Variants in CHD2 observed in about 807,000 individuals in gnomAD.
CHD2 encodes chromodomain helicase DNA binding protein 2.
Under a neutral mutation model 243.9 loss-of-function variants are expected in CHD2, and 28 were observed. The observed-to-expected ratio is 0.11, with a 90% CI of 0.09 to 0.16. The LOEUF is 0.16. CHD2 is among the 10% of genes least tolerant of loss of function. The pLI is 1.00. For missense variants in CHD2, 1,386 were observed against 2,209.8 expected (o/e 0.63, Z 7.47); for synonymous variants, 775 against 779.0 (o/e 0.99, Z 0.09).
At chr15:92,901,360 C>T (rs1299959146) in intron 2 of CHD2, 61 bp downstream of exon 2, 9 of 969,614 alleles carry the variant, frequency 9.3e-6, no homozygotes, top group Admixed American at 4.1e-5. Flanking sequence ...CCTCAGCTTA[C>T]AATTGTTTAC....
In CHD2 at chr15:92,900,704, G is replaced by T. The variant is rs921545217; in HGVS notation, c.-192G>T. 1.3e-5 allele frequency: 5 copies of T among 397,162 alleles called. No homozygotes were observed. Among genetic ancestry groups the T allele is most frequent in the Non-Finnish European group, 2.2e-5 (5 of 225,882 alleles). 24.6% of individuals were successfully genotyped at this position (397,162 alleles called of 1,614,324 possible). On this transcript the variant is annotated 5_prime_UTR_variant, in exon 1 of 39. Transcript: ENST00000394196. ...TTTTGACCAGTTAACATATTTGAGG[G>T]TTATTTTATTTATTTTTCGTTTTTT...
intron 2 of CHD2, among the ~76,000 whole-genome samples, chr15:92,922,349 C>T (rs1179593335): frequency 6.6e-6 from 1 of 152,072 alleles, no homozygotes; most frequent in Non-Finnish European, 1.5e-5. Flanking sequence ...AAGTACTTAG[C>T]CTAGTGTCTG....
At chr15:92,900,956 T>A in intron 1 of CHD2, 132 bp downstream of exon 1, 1 of 461,998 alleles carries the variant, frequency 2.2e-6, no homozygotes, top group Non-Finnish European at 3.8e-6. Context: ...AGTGTGCTAC[T>A]TTGAGAAAGT....
At chr15:93,015,035 C>T in intron 37 of CHD2, 126 bp downstream of exon 37, 2 of 758,100 alleles carry the variant, frequency 2.6e-6, no homozygotes. Context: ...TTATTGTCCT[C>T]TCTTTTCTTA....
chr15:92,930,921 C>G (rs1487318369), intron 5 of CHD2, among the ~76,000 whole-genome samples: 1 of 152,120 alleles, frequency 6.6e-6, no homozygotes, highest in Non-Finnish European at 1.5e-5. Flanking sequence ...TGTTTGGGCA[C>G]TGGGCTAGCC....
Position 92,979,149 on chromosome 15 carries a change from C to T in CHD2, c.2742C>T (p.Arg914=). ...IGQKKQVNIY[R]LVTKGTVEEE... is the part of the protein sequence containing the mutation. ...TTTTCCTACAGGTAAATATTTACCG[C>T]TTAGTTACAAAGGGGACTGTGGAGG... Residue 914 remains arginine, a synonymous_variant, in exon 22 of 39, where the codon CGC becomes CGT. Transcript: ENST00000394196. The T allele has an allele frequency of 6.2e-7, 1 of 1,613,884 alleles. No homozygotes were observed. The highest frequency in any genetic ancestry group is 8.5e-7 in the Non-Finnish European group (1 of 1,179,936).
chr15:92,989,062 G>A (rs1396376223), intron 26 of CHD2, among the ~76,000 whole-genome samples: 1 of 86,804 alleles, frequency 1.2e-5, no homozygotes, highest in Non-Finnish European at 2.1e-5. Context: ...ATGGAGTTTT[G>A]CTCCTATCAC....
At chr15:92,993,780 T>TACAAACAGTAGAG (rs1467694665) in intron 28 of CHD2, among the ~76,000 whole-genome samples, 22 of 152,106 alleles carry the variant, frequency 1.4e-4, no homozygotes, top group African/African-American at 4.8e-4. Flanking sequence ...ACCTTGTCTC[T>TACAAACAGTAGAG]ACAAACAGTT....
intron 24 of CHD2, among the ~76,000 whole-genome samples, chr15:92,982,633 G>T (rs2053994131): frequency 6.6e-6 from 1 of 152,192 alleles, no homozygotes; most frequent in Admixed American, 6.5e-5. Flanking sequence ...GAGACCTGAT[G>T]ATTACAATGA....
chr15:92,919,475 C>T (rs1055980621), intron 2 of CHD2, among the ~76,000 whole-genome samples: 17 of 152,042 alleles, frequency 1.1e-4, no homozygotes, highest in African/African-American at 4.1e-4. Context: ...TCACTGCAAC[C>T]TCTGCCTCCT....
chr15:92,949,980 T>G (rs1279840024), intron 13 of CHD2, among the ~76,000 whole-genome samples: 1 of 152,228 alleles, frequency 6.6e-6, no homozygotes, highest in East Asian at 1.9e-4. Context: ...GCTAAAAGCT[T>G]AAAACTTTCC....
chr15:92,922,022 T>A (rs1359139500), intron 2 of CHD2, among the ~76,000 whole-genome samples: 1 of 152,062 alleles, frequency 6.6e-6, no homozygotes, highest in African/African-American at 2.4e-5. Flanking sequence ...GGTTAAGGAG[T>A]CAGTAATTGT....
At chr15:93,002,454 G>A (rs917864890) in intron 33 of CHD2, 137 bp downstream of exon 33, 55 of 1,364,468 alleles carry the variant, frequency 4.0e-5, no homozygotes, top group East Asian at 7.9e-5. Context: ...GGGTGGGGCC[G>A]TTGATGGGAT....
chr15:92,939,069 A>C (rs1276404368), intron 6 of CHD2, among the ~76,000 whole-genome samples: 1 of 151,466 alleles, frequency 6.6e-6, no homozygotes, highest in Non-Finnish European at 1.5e-5. Flanking sequence ...CTATGAGTAC[A>C]TGGTACTGTT....
chr15:92,971,554 C>T (rs1330383542), intron 17 of CHD2, among the ~76,000 whole-genome samples: 3 of 152,148 alleles, frequency 2.0e-5, no homozygotes, highest in Non-Finnish European at 4.4e-5. Context: ...AAATATCCAG[C>T]AGAATCTTTA....
At chr15:92,978,851 T>G (rs2141843756) in intron 21 of CHD2, among the ~76,000 whole-genome samples, 1 of 152,368 alleles carries the variant, frequency 6.6e-6, no homozygotes, top group African/African-American at 2.4e-5. Context: ...ATTCTGTTTT[T>G]GTGGAACTTT....
chr15:92,988,695 T>C (rs1310948126), intron 26 of CHD2, among the ~76,000 whole-genome samples: 54 of 152,190 alleles, frequency 3.5e-4, no homozygotes, highest in Admixed American at 3.5e-3. Context: ...AATTGGCCTA[T>C]CTTCAGATTT....
At chr15:92,959,946 G>A (rs1251057510) in intron 16 of CHD2, among the ~76,000 whole-genome samples, 3 of 152,178 alleles carry the variant, frequency 2.0e-5, no homozygotes, top group Non-Finnish European at 4.4e-5. Flanking sequence ...TAGAAATTGT[G>A]TTGAATCATA....
At chr15:93,005,439 T>C (rs1427415756) in intron 34 of CHD2, among the ~76,000 whole-genome samples, 1 of 152,120 alleles carries the variant, frequency 6.6e-6, no homozygotes, top group Non-Finnish European at 1.5e-5. Context: ...GCTGCAGGTA[T>C]AGATTTCACT....
Sources: allele counts gnomAD v4.1 joint callset (sites outside exome capture counted in the v4.1 genomes callset), GRCh38; gene constraint gnomAD v4.1.1; transcripts MANE v1.5; gene names NCBI Gene and HGNC (gene_info 2026-07-23, HGNC 2026-07-21).